RBFOX3: variants seen among roughly 807,000 people sequenced by gnomAD.
RBFOX3 encodes the protein RNA binding fox-1 homolog 3, also known as RNA binding protein fox-1 homolog 3.
Under a neutral mutation model 48.7 loss-of-function variants are expected in RBFOX3, and 17 were observed. That is an observed-to-expected ratio of 0.35 (90% CI 0.24 to 0.52). RBFOX3 has a LOEUF of 0.52. Ranked by LOEUF, RBFOX3 falls within the 20% of genes least tolerant of loss-of-function variation. The pLI is 0.94. For synonymous variants in RBFOX3, 212 were observed against 209.5 expected (o/e 1.01, Z -0.10); for missense variants, 382 against 497.5 (o/e 0.77, Z 2.21).
intron 6 of RBFOX3, among the ~76,000 whole-genome samples, chr17:79,105,122 GT>G (rs2077128453): frequency 6.6e-6 from 1 of 152,218 alleles, no homozygotes; most frequent in South Asian, 2.1e-4. Flanking sequence ...ACTGATGGGG[GT>G]TTCCCAGTCA....
chr17:79,328,036 T>C (rs1185829765), intron 2 of RBFOX3, among the ~76,000 whole-genome samples: 1 of 152,222 alleles, frequency 6.6e-6, no homozygotes, highest in Admixed American at 6.5e-5. Context: ...TGACAAAACC[T>C]GACCTTGCTC....
chr17:79,112,046 G>T (rs1279219674), intron 5 of RBFOX3, among the ~76,000 whole-genome samples: 1 of 152,208 alleles, frequency 6.6e-6, no homozygotes, highest in African/African-American at 2.4e-5. Context: ...TTCCCATCAC[G>T]GATGAGCAGA....
chr17:79,541,294 C>G (rs1345667413), intron 1 of RBFOX3, among the ~76,000 whole-genome samples: 3 of 152,106 alleles, frequency 2.0e-5, no homozygotes, highest in African/African-American at 4.8e-5. Flanking sequence ...CATGAGCAAG[C>G]CTGGTTTTCA....
In RBFOX3 at chr17:79,452,964, C is replaced by T. The variant is rs535982249; in HGVS notation, c.-175+29490G>A. 5.9e-5 allele frequency among the ~76,000 whole-genome samples: 9 copies of T among 152,332 alleles called. No individual in the cohort carries two copies. In the South Asian group the frequency reaches 1.9e-3, roughly 32 times the overall value. On this transcript the variant is annotated intron_variant, in intron 2 of 14. Coordinates refer to ENST00000693108, the MANE Select transcript of RBFOX3 (RefSeq NM_001350451.2). ...CTGGACCACGTCTCCCCTCCAACAC[C>T]CACTGAGACGTGCAGCTTGGAGCAC...
intron 2 of RBFOX3, among the ~76,000 whole-genome samples, chr17:79,404,025 A>G (rs1568189305): frequency 6.6e-6 from 1 of 152,082 alleles, no homozygotes; most frequent in Non-Finnish European, 1.5e-5. Context: ...TGATGCACCC[A>G]TCTTGGCCTC....
intron 1 of RBFOX3, among the ~76,000 whole-genome samples, chr17:79,492,865 G>A (rs2080895283): frequency 6.6e-6 from 1 of 152,206 alleles, no homozygotes; most frequent in African/African-American, 2.4e-5. Flanking sequence ...AGGAGGCAGT[G>A]GTGGGAGAGA....
intron 3 of RBFOX3, among the ~76,000 whole-genome samples, chr17:79,273,394 G>T (rs1161915114): frequency 2.0e-5 from 3 of 152,270 alleles, no homozygotes; most frequent in South Asian, 2.1e-4. Flanking sequence ...TTCAGTCCAG[G>T]GCTGTGAGAA....
chr17:79,124,611 A>G (rs2036654613), intron 4 of RBFOX3, among the ~76,000 whole-genome samples: 1 of 152,130 alleles, frequency 6.6e-6, no homozygotes, highest in Non-Finnish European at 1.5e-5. Flanking sequence ...GCCATGACAG[A>G]GAGGGATGGC....
intron 5 of RBFOX3, among the ~76,000 whole-genome samples, chr17:79,114,907 T>TG (rs2033400205): frequency 3.3e-5 from 5 of 152,224 alleles, no homozygotes; most frequent in Admixed American, 2.6e-4. Flanking sequence ...TGGCTCTCTT[T>TG]GCTCTCAGGA....
Position 79,093,791 on chromosome 17 carries a change from CCACACACACACACACA to C in RBFOX3, c.1077+644_1077+659del, listed in dbSNP as rs60453390. On this transcript the variant is annotated intron_variant, in intron 14 of 14. Transcript: ENST00000693108. ...CTGGGCTGCACGTGTCAACAGCTGGCCACACACACACACACACACACACACACACACACACAGAGAC... is the reference window on the plus strand; with the variant it reads ...CTGGGCTGCACGTGTCAACAGCTGGCCACACACACACACACACACAGAGAC... 3.3e-3 allele frequency among the ~76,000 whole-genome samples: 482 copies of C among 143,934 alleles called. 2 individuals are homozygous for C. The highest frequency in any genetic ancestry group is 0.012 in the African/African-American group (460 of 39,102). 94.4% of individuals were successfully genotyped at this position (143,934 alleles called of 152,430 possible).
At chr17:79,472,516 A>T (rs974163939) in intron 2 of RBFOX3, among the ~76,000 whole-genome samples, 2 of 152,206 alleles carry the variant, frequency 1.3e-5, no homozygotes, top group African/African-American at 4.8e-5. Flanking sequence ...ACATGCACAG[A>T]TCAAGGGGCG....
chr17:79,450,630 G>A (rs1320915094), intron 2 of RBFOX3, among the ~76,000 whole-genome samples: 1 of 151,986 alleles, frequency 6.6e-6, no homozygotes, highest in Admixed American at 6.6e-5. Flanking sequence ...GGTTTGTTGG[G>A]GTGTGACCCA....
intron 4 of RBFOX3, among the ~76,000 whole-genome samples, chr17:79,127,680 G>A (rs1056226554): frequency 3.3e-5 from 5 of 152,174 alleles, no homozygotes; most frequent in African/African-American, 7.2e-5. Flanking sequence ...ATGTCACATC[G>A]TGTGCTGGGG....
chr17:79,629,400 G>A, the RBFOX3 span, among the ~76,000 whole-genome samples: 2 of 152,042 alleles, frequency 1.3e-5, no homozygotes, highest in Admixed American at 6.6e-5. Context: ...GGACAGTGTC[G>A]AATCCCACCA....
At chr17:79,487,201 G>A (rs1367528798) in intron 1 of RBFOX3, among the ~76,000 whole-genome samples, 1 of 152,286 alleles carries the variant, frequency 6.6e-6, no homozygotes, top group South Asian at 2.1e-4. Flanking sequence ...AAGGTAGCTG[G>A]AGCAGAAGCC....
intron 4 of RBFOX3, among the ~76,000 whole-genome samples, chr17:79,158,121 C>T: frequency 9.1e-6 from 1 of 109,604 alleles, no homozygotes; most frequent in African/African-American, 2.6e-5. Flanking sequence ...AGGACATAGA[C>T]ACACACAGAC....
At chr17:79,201,999 T>G (rs913028523) in intron 4 of RBFOX3, among the ~76,000 whole-genome samples, 4 of 152,206 alleles carry the variant, frequency 2.6e-5, no homozygotes, top group African/African-American at 4.8e-5. Context: ...CTCCTCCTCC[T>G]GCCGGCTTCA....
intron 4 of RBFOX3, among the ~76,000 whole-genome samples, chr17:79,227,912 T>C (rs1248965797): frequency 6.6e-6 from 1 of 152,204 alleles, no homozygotes; most frequent in East Asian, 1.9e-4. Context: ...GTACTGCAGC[T>C]TTTTAGCCAC....
rs988495272 is a variant in RBFOX3, at chr17:79,205,792, A to AAAT, written c.-34+29971_-34+29973dup. On this transcript the variant is annotated intron_variant, in intron 4 of 14. Transcript: ENST00000693108. This position sits in a 1 kb window ranked among gnomAD's most constrained non-coding sequence, Gnocchi z 4.5. ...CTTGGTATATGGTGATTGATATGGA[A>AAAT]AATGTATTTTCCAGTCCATGTCCAT... 3.3e-4 allele frequency among the ~76,000 whole-genome samples: 50 copies of AAAT among 152,000 alleles called. 1 individual carries two copies. Among genetic ancestry groups the AAAT allele is most frequent in the African/African-American group, 1.2e-3 (49 of 41,462 alleles).
Sources: allele counts gnomAD v4.1 joint callset (sites outside exome capture counted in the v4.1 genomes callset), GRCh38; gene constraint gnomAD v4.1.1; non-coding constraint Gnocchi (gnomAD v3.1); transcripts MANE v1.5; gene names NCBI Gene and HGNC (gene_info 2026-07-23, HGNC 2026-07-21).